The following SPNS3 variants were observed in gnomAD, a reference collection of about 807,000 sequenced individuals.
SPNS3 encodes protein spinster homolog 3.
Under a neutral mutation model 54.4 loss-of-function variants are expected in SPNS3, and 51 were observed. The ratio of observed to expected loss-of-function variants is 0.94; its 90% CI spans 0.75 to 1.18. The LOEUF (loss-of-function observed/expected upper bound fraction) is 1.18, where lower values mean the gene tolerates loss of function less well. SPNS3 is among the 50% of genes most tolerant of loss of function. The pLI, the probability that SPNS3 is intolerant of heterozygous loss-of-function variation, is 0.00. For missense variants in SPNS3, 669 were observed against 677.4 expected (o/e 0.99, Z 0.14); for synonymous variants, 309 against 294.7 (o/e 1.05, Z -0.50).
rs1213045413 is a variant in SPNS3 at position 4,449,220 on chromosome 17, C to T, written c.771-15C>T. 2 of 1,608,144 alleles carry T rather than the reference C, an allele frequency of 1.2e-6. No individual in the cohort carries two copies. The highest frequency in any genetic ancestry group is 2.2e-5 in the East Asian group (1 of 44,790). ...AGCCCTCTCCCAACTCCAGCTGGGGCACCTCGTCTTGCAGCTGGAGTTTCG... is the reference window on the plus strand; with the variant it reads ...AGCCCTCTCCCAACTCCAGCTGGGGTACCTCGTCTTGCAGCTGGAGTTTCG... On this transcript the variant is annotated splice_polypyrimidine_tract_variant and intron_variant, in intron 6 of 11. Transcript: ENST00000355530.
At position 4,444,784 on chromosome 17, in the gene SPNS3, A is replaced by G. The variant is rs563582888; in HGVS notation, c.266-248A>G. 2.6e-5 allele frequency among the ~76,000 whole-genome samples: 4 copies of G among 152,122 alleles called. No individual in the cohort carries two copies. The South Asian group carries it at 8.3e-4, about 32-fold the overall frequency. ...GTGACCTCTCCAGTGTTGGGGTGAC[A>G]CTCAGAGCAAGCGGCAGAGCTGGGC... On this transcript the variant is annotated intron_variant, in intron 2 of 11. Transcript: ENST00000355530.
chr17:4,460,425 C>T (rs1971464806), intron 8 of SPNS3, among the ~76,000 whole-genome samples: 2 of 133,002 alleles, frequency 1.5e-5, no homozygotes, highest in African/African-American at 5.6e-5. Flanking sequence ...TTATGTATTG[C>T]TGGATTTTTT....
chr17:4,449,179 A>C, intron 6 of SPNS3, 56 bp from the exon 7 acceptor site: 1 of 1,575,676 alleles, frequency 6.3e-7, no homozygotes. Flanking sequence ...AGGAGTGGAC[A>C]GGCCCCTTCA....
At chr17:4,467,568 G>T (rs951446364) in intron 8 of SPNS3, among the ~76,000 whole-genome samples, 1 of 152,156 alleles carries the variant, frequency 6.6e-6, no homozygotes, top group Non-Finnish European at 1.5e-5. Context: ...CCATCTCAGG[G>T]CAATGCTCTA....
At chr17:4,441,658 A>G (rs1047991850) in intron 2 of SPNS3, among the ~76,000 whole-genome samples, 17 of 151,758 alleles carry the variant, frequency 1.1e-4, no homozygotes, top group African/African-American at 4.1e-4. Context: ...GTGCAATGGC[A>G]TGATCTCGGC....
intron 1 of SPNS3, among the ~76,000 whole-genome samples, chr17:4,436,002 A>G (rs543974657): frequency 3.3e-4 from 49 of 146,410 alleles, no homozygotes; most frequent in Non-Finnish European, 4.6e-4. Context: ...TCATTCATTC[A>G]TTCAAGACCG....
At chr17:4,441,843 G>A (rs1372366616) in intron 2 of SPNS3, among the ~76,000 whole-genome samples, 1 of 151,884 alleles carries the variant, frequency 6.6e-6, no homozygotes, top group Non-Finnish European at 1.5e-5. Flanking sequence ...TCGAACTCCT[G>A]ACCTCAAGTG....
In SPNS3 at chr17:4,478,653, G is replaced by C; in HGVS notation, c.1179+16G>C. On this transcript the variant is annotated intron_variant, in intron 9 of 11. Coordinates refer to ENST00000355530, the MANE Select transcript of SPNS3 (RefSeq NM_182538.5). ...CATCCTGCTGGTAGGTGTGGGAGTC[G>C]GGGTGGTGGGCTGAGCAGGGGGAGC... 1 of 1,578,710 alleles carries C rather than the reference G, an allele frequency of 6.3e-7. No individual in the cohort carries two copies. The highest frequency in any genetic ancestry group is 8.6e-7 in the Non-Finnish European group (1 of 1,161,786).
chr17:4,437,810 G>A (rs1359144517), intron 1 of SPNS3, among the ~76,000 whole-genome samples: 2 of 145,560 alleles, frequency 1.4e-5, no homozygotes, highest in African/African-American at 5.1e-5. Context: ...TTTTGGAGAC[G>A]GAGTCTCACT....
At chr17:4,438,633 A>G (rs1970773165) in intron 1 of SPNS3, among the ~76,000 whole-genome samples, 1 of 152,234 alleles carries the variant, frequency 6.6e-6, no homozygotes, top group Admixed American at 6.5e-5. Context: ...GTGTGTGCAC[A>G]TGCGTGCAAG....
At chr17:4,487,197 A>G (rs2042318620) in intron 11 of SPNS3, among the ~76,000 whole-genome samples, 1 of 148,006 alleles carries the variant, frequency 6.8e-6, no homozygotes, top group Admixed American at 6.7e-5. Flanking sequence ...AAAAAGGGAC[A>G]GGTAGGTGCA....
At chr17:4,461,138 A>G (rs1971487995) in intron 8 of SPNS3, among the ~76,000 whole-genome samples, 2 of 152,054 alleles carry the variant, frequency 1.3e-5, no homozygotes, top group South Asian at 2.1e-4. Context: ...TTGGCACACA[A>G]TAGTTTATAT....
intron 8 of SPNS3, among the ~76,000 whole-genome samples, chr17:4,465,758 A>G (rs959728240): frequency 7.2e-5 from 11 of 152,178 alleles, no homozygotes; most frequent in African/African-American, 2.7e-4. Context: ...CTATCTTTTG[A>G]TGAGAGTATC....
chr17:4,468,302 T>TA (rs974278439), intron 8 of SPNS3, among the ~76,000 whole-genome samples: 88 of 151,466 alleles, frequency 5.8e-4, no homozygotes, highest in African/African-American at 1.8e-3. Flanking sequence ...AAAAATAAAT[T>TA]AAAAAAAAGA....
intron 8 of SPNS3, among the ~76,000 whole-genome samples, chr17:4,470,812 G>A (rs1971834882): frequency 6.6e-6 from 1 of 152,184 alleles, no homozygotes; most frequent in Non-Finnish European, 1.5e-5. Context: ...TACTAGCTAT[G>A]AAAGAGGACA....
chr17:4,445,383 T>C (rs1045374003), intron 3 of SPNS3, among the ~76,000 whole-genome samples: 5 of 151,762 alleles, frequency 3.3e-5, no homozygotes, highest in African/African-American at 1.2e-4. Flanking sequence ...GACTTTTTTT[T>C]TTTTTTTTTG....
At chr17:4,435,240 T>C (rs1040156357) in intron 1 of SPNS3, among the ~76,000 whole-genome samples, 1 of 151,834 alleles carries the variant, frequency 6.6e-6, no homozygotes. Context: ...CTGGGCAACA[T>C]GGTGAAACCC....
At chr17:4,458,989 T>C (rs56214424) in intron 8 of SPNS3, among the ~76,000 whole-genome samples, 39,156 of 151,862 alleles carry the variant, frequency 0.26, 5,169 homozygotes, top group Middle Eastern at 0.38. Context: ...GCCACGCAGG[T>C]CCCCTCTTGA....
intron 5 of SPNS3, among the ~76,000 whole-genome samples, chr17:4,447,449 G>C (rs1971029644): frequency 6.6e-6 from 1 of 152,236 alleles, no homozygotes; most frequent in South Asian, 2.1e-4. Context: ...CATGGAGAGG[G>C]ACCATTCTGA....
Sources: allele counts gnomAD v4.1 joint callset (sites outside exome capture counted in the v4.1 genomes callset), GRCh38; gene constraint gnomAD v4.1.1; transcripts MANE v1.5; gene names NCBI Gene and HGNC (gene_info 2026-07-23, HGNC 2026-07-21).